The following DNAJC1 variants were observed in gnomAD, a reference collection of about 807,000 sequenced individuals.
DNAJC1 encodes the protein dnaJ homolog subfamily C member 1.
In DNAJC1, 58 loss-of-function variants were observed where a neutral mutation model predicts 76.6. The ratio of observed to expected loss-of-function variants is 0.76; its 90% confidence interval spans 0.61 to 0.94. The LOEUF is 0.94. Ranked by LOEUF, DNAJC1 falls within the 40% of genes least tolerant of loss-of-function variation. The pLI is 0.00. For synonymous variants in DNAJC1, 258 were observed against 267.9 expected (o/e 0.96, Z 0.36); for missense variants, 689 against 677.3 (o/e 1.02, Z -0.19).
intron 9 of DNAJC1, among the ~76,000 whole-genome samples, chr10:21,791,974 T>C (rs892584450): frequency 6.6e-6 from 1 of 152,100 alleles, no homozygotes; most frequent in Non-Finnish European, 1.5e-5. Flanking sequence ...AACCGTTAGC[T>C]TAGCGTAACC....
chr10:22,000,920 A>G (rs999059769), intron 1 of DNAJC1, among the ~76,000 whole-genome samples: 1 of 152,204 alleles, frequency 6.6e-6, no homozygotes, highest in African/African-American at 2.4e-5. Flanking sequence ...AAAGCTGTCC[A>G]GTTCATGGCA....
chr10:21,766,623 T>A (rs573810358), intron 9 of DNAJC1, among the ~76,000 whole-genome samples: 29 of 152,224 alleles, frequency 1.9e-4, no homozygotes, highest in African/African-American at 7.0e-4. Flanking sequence ...TATTTTTTTT[T>A]AATACTTTAA....
chr10:21,941,223 C>T (rs971003643), intron 1 of DNAJC1, among the ~76,000 whole-genome samples: 3 of 138,754 alleles, frequency 2.2e-5, no homozygotes, highest in East Asian at 2.3e-4. Context: ...GAGCCGAGAT[C>T]GCGCCACTAC....
At chr10:21,956,041 C>T (rs1172936102) in intron 1 of DNAJC1, among the ~76,000 whole-genome samples, 2 of 152,106 alleles carry the variant, frequency 1.3e-5, no homozygotes, top group Non-Finnish European at 1.5e-5. Flanking sequence ...TAACAATACC[C>T]GAGACTGCGT....
chr10:21,988,439 G>A (rs1018508218), intron 1 of DNAJC1, among the ~76,000 whole-genome samples: 35 of 152,110 alleles, frequency 2.3e-4, no homozygotes, highest in Middle Eastern at 3.4e-3. Context: ...TAAATCCTAC[G>A]ATTCCAAAAT....
intron 3 of DNAJC1, among the ~76,000 whole-genome samples, chr10:21,927,214 T>C (rs538665852): frequency 1.3e-5 from 2 of 152,348 alleles, no homozygotes; most frequent in East Asian, 1.9e-4. Context: ...GCCCTTGTTA[T>C]AAAGTGAAGA....
intron 8 of DNAJC1, among the ~76,000 whole-genome samples, chr10:21,877,328 C>T (rs906827151): frequency 1.3e-5 from 2 of 151,142 alleles, no homozygotes; most frequent in Admixed American, 6.6e-5. Context: ...ACATAGAAAA[C>T]ACCAAATAAG....
intron 1 of DNAJC1, among the ~76,000 whole-genome samples, chr10:21,969,743 C>A (rs1421102527): frequency 1.3e-5 from 2 of 152,100 alleles, no homozygotes; most frequent in African/African-American, 4.8e-5. Context: ...CTATGAATAG[C>A]AGGAACAGTG....
chr10:21,977,073 G>A (rs1838078063), intron 1 of DNAJC1, among the ~76,000 whole-genome samples: 1 of 152,110 alleles, frequency 6.6e-6, no homozygotes, highest in South Asian at 2.1e-4. Context: ...AGCATACTAA[G>A]GCTTCTTTGT....
chr10:21,983,594 C>T (rs995555863), intron 1 of DNAJC1, among the ~76,000 whole-genome samples: 2 of 151,982 alleles, frequency 1.3e-5, no homozygotes, highest in Admixed American at 6.6e-5. Context: ...GTGGCACTCG[C>T]CTGTAAATCC....
intron 1 of DNAJC1, among the ~76,000 whole-genome samples, chr10:21,977,911 C>T (rs1312006037): frequency 6.6e-6 from 1 of 151,708 alleles, no homozygotes; most frequent in African/African-American, 2.4e-5. Flanking sequence ...TTCAAAGTGA[C>T]AAGGGAAAAA....
At chr10:21,771,442 CTTT>C (rs1834376193) in intron 9 of DNAJC1, among the ~76,000 whole-genome samples, 1 of 151,166 alleles carries the variant, frequency 6.6e-6, no homozygotes, top group South Asian at 2.1e-4. Flanking sequence ...TGAGATACTT[CTTT>C]TTTATTCCTA....
chr10:21,928,067 A>G (rs1411767963), intron 3 of DNAJC1, among the ~76,000 whole-genome samples: 2 of 152,224 alleles, frequency 1.3e-5, no homozygotes, highest in Non-Finnish European at 2.9e-5. Context: ...GTGAGGAAAT[A>G]TCAAGAAAGA....
chr10:21,809,723 G>A (rs1282327882), intron 8 of DNAJC1, among the ~76,000 whole-genome samples: 2 of 151,936 alleles, frequency 1.3e-5, no homozygotes, highest in Non-Finnish European at 2.9e-5. Flanking sequence ...TTAATTTAGT[G>A]CACAGTTTTC....
At chr10:21,877,021 T>C (rs1464973018) in intron 8 of DNAJC1, among the ~76,000 whole-genome samples, 2 of 152,154 alleles carry the variant, frequency 1.3e-5, no homozygotes, top group Non-Finnish European at 2.9e-5. Context: ...ATGCTTGTAA[T>C]CCTAACACTT....
intron 8 of DNAJC1, among the ~76,000 whole-genome samples, chr10:21,877,824 A>C (rs182573143): frequency 6.6e-6 from 1 of 152,318 alleles, no homozygotes; most frequent in Admixed American, 6.5e-5. Flanking sequence ...ACCTAAGTAT[A>C]ACTTTTGACT....
At chr10:21,828,241 A>AG (rs1365318253) in intron 8 of DNAJC1, among the ~76,000 whole-genome samples, 2 of 152,360 alleles carry the variant, frequency 1.3e-5, no homozygotes, top group East Asian at 3.9e-4. Context: ...TAGTGCAGCC[A>AG]GATCACTTAT....
chr10:21,838,690 A>G lies in DNAJC1; in HGVS notation c.979-32591T>C, dbSNP rs147007820. On this transcript the variant is annotated intron_variant, in intron 8 of 11. Transcript: ENST00000376980. ...CCCACTGTCAACATTAGACAGATCAACGAGACAGAAAGTTAACAAGGATAC... is the reference window on the plus strand; with the variant it reads ...CCCACTGTCAACATTAGACAGATCAGCGAGACAGAAAGTTAACAAGGATAC... Among the ~76,000 whole-genome samples, 1,447 of 152,296 alleles carry G rather than the reference A, an allele frequency of 9.5e-3. 26 individuals carry two copies. The highest frequency in any genetic ancestry group is 0.032 in the African/African-American group (1,348 of 41,546).
chr10:21,972,165 A>G (rs1383830289), intron 1 of DNAJC1, among the ~76,000 whole-genome samples: 1 of 151,988 alleles, frequency 6.6e-6, no homozygotes, highest in Non-Finnish European at 1.5e-5. Flanking sequence ...TATAACTCCA[A>G]ATATTGTTAT....
Sources: allele counts gnomAD v4.1 joint callset (sites outside exome capture counted in the v4.1 genomes callset), GRCh38; gene constraint gnomAD v4.1.1; transcripts MANE v1.5; gene names NCBI Gene and HGNC (gene_info 2026-07-23, HGNC 2026-07-21).